PDZD2: variants seen among roughly 807,000 people sequenced by gnomAD.
PDZD2 encodes PDZ domain containing 2.
Under a neutral mutation model 220.7 loss-of-function variants are expected in PDZD2, and 90 were observed. The ratio of observed to expected loss-of-function variants is 0.41; its 90% CI spans 0.34 to 0.49. The LOEUF is 0.49. PDZD2 is among the 20% of genes least tolerant of loss of function. The probability of loss-of-function intolerance (pLI) is 0.28; values close to 1 mark genes in which losing one functional copy is unlikely to be tolerated. For synonymous variants in PDZD2, 1,375 were observed against 1,450.5 expected, an observed-to-expected ratio of 0.95 and a Z score of 1.18; for missense variants, 3,174 against 3,608.5, an observed-to-expected ratio of 0.88 and a Z score of 3.08.
intron 1 of PDZD2, among the ~76,000 whole-genome samples, chr5:31,706,930 A>G (rs1206644974): frequency 1.3e-5 from 2 of 151,990 alleles, no homozygotes; most frequent in Admixed American, 6.5e-5. Context: ...CCCCTCTACA[A>G]ATTCATGTGT....
At chr5:31,775,005 A>G (rs1752555485) in intron 1 of PDZD2, among the ~76,000 whole-genome samples, 1 of 152,206 alleles carries the variant, frequency 6.6e-6, no homozygotes, top group Non-Finnish European at 1.5e-5. Context: ...ACATGATGTC[A>G]ACCAGCTTGC....
At chr5:31,940,285 G>A (rs1252404017) in intron 2 of PDZD2, among the ~76,000 whole-genome samples, 1 of 152,130 alleles carries the variant, frequency 6.6e-6, no homozygotes, top group East Asian at 1.9e-4. Context: ...TGTTGTCTTT[G>A]CTGTCCCTTG....
At chr5:31,740,878 T>C (rs1289860864) in intron 1 of PDZD2, among the ~76,000 whole-genome samples, 1 of 152,212 alleles carries the variant, frequency 6.6e-6, no homozygotes, top group Non-Finnish European at 1.5e-5. Flanking sequence ...CGTAAACTTT[T>C]GTAAAGCATC....
chr5:31,722,376 C>T (rs1162044450), intron 1 of PDZD2, among the ~76,000 whole-genome samples: 5 of 152,150 alleles, frequency 3.3e-5, no homozygotes, highest in African/African-American at 7.2e-5. Flanking sequence ...GACGGACAGC[C>T]TGCCCCCTCC....
chr5:32,030,040 T>C (rs955057628), intron 6 of PDZD2, among the ~76,000 whole-genome samples: 5 of 152,244 alleles, frequency 3.3e-5, no homozygotes, highest in African/African-American at 1.2e-4. Flanking sequence ...TCTGTGTGTA[T>C]TCAGTAGCTT....
chr5:31,675,364 A>G (rs531531004), intron 1 of PDZD2, among the ~76,000 whole-genome samples: 52 of 152,284 alleles, frequency 3.4e-4, no homozygotes, highest in Non-Finnish European at 5.4e-4. Flanking sequence ...TGTGCTGGCC[A>G]TGCCCACCAG....
rs1745150596 is a variant in PDZD2 at position 31,646,757 on chromosome 5, T to C, written c.-361+7320T>C. Among the ~76,000 whole-genome samples, 1 of 152,118 alleles carries C rather than the reference T, an allele frequency of 6.6e-6. No homozygotes were observed. The highest frequency in any genetic ancestry group is 6.6e-5 in the Admixed American group (1 of 15,266). On this transcript the variant is annotated intron_variant, in intron 1 of 24. Coordinates refer to ENST00000438447, the MANE Select transcript of PDZD2 (RefSeq NM_178140.4). The surrounding 1 kb of genome is among the most constrained non-coding windows in gnomAD (Gnocchi z 4.7). ...TACAAAACCACTCAGCATACAAAATTGGCATAGCTTTCCTCCACAGTTTGC... is the reference window on the plus strand; with the variant it reads ...TACAAAACCACTCAGCATACAAAATCGGCATAGCTTTCCTCCACAGTTTGC...
chr5:31,738,950 A>T (rs1750075578), intron 1 of PDZD2, among the ~76,000 whole-genome samples: 1 of 151,490 alleles, frequency 6.6e-6, no homozygotes, highest in Admixed American at 6.6e-5. Context: ...CAGTGGCACC[A>T]TCTCCGCTCA....
intron 1 of PDZD2, among the ~76,000 whole-genome samples, chr5:31,730,174 C>G (rs187118870): frequency 6.6e-6 from 1 of 152,242 alleles, no homozygotes; most frequent in East Asian, 1.9e-4. Flanking sequence ...TTCCTGACTC[C>G]TATGTACTTC....
At chr5:31,875,214 T>G (rs138105337) in intron 2 of PDZD2, among the ~76,000 whole-genome samples, 205 of 152,302 alleles carry the variant, frequency 1.3e-3, no homozygotes, top group African/African-American at 4.7e-3. Context: ...TATTTAGGGC[T>G]TTTTTGGCTT....
At chr5:31,667,931 G>A (rs1580539413) in intron 1 of PDZD2, among the ~76,000 whole-genome samples, 1 of 139,510 alleles carries the variant, frequency 7.2e-6, no homozygotes, top group Admixed American at 8.1e-5. Flanking sequence ...GCGTGATTTC[G>A]GCTCACTGCA....
intron 2 of PDZD2, among the ~76,000 whole-genome samples, chr5:31,833,530 C>G (rs1325958034): frequency 6.6e-6 from 1 of 151,158 alleles, no homozygotes; most frequent in Admixed American, 6.6e-5. Flanking sequence ...GTAATCCGCC[C>G]ACCTTGGCCT....
At chr5:31,886,575 T>A (rs146969744) in intron 2 of PDZD2, among the ~76,000 whole-genome samples, 1 of 151,890 alleles carries the variant, frequency 6.6e-6, no homozygotes, top group Non-Finnish European at 1.5e-5. Flanking sequence ...TGAAGGATGC[T>A]GAGATGTGTG....
intron 2 of PDZD2, among the ~76,000 whole-genome samples, chr5:31,829,333 A>AT (rs34522826): frequency 0.53 from 77,966 of 145,762 alleles, 20,992 homozygotes; most frequent in Non-Finnish European, 0.59. Flanking sequence ...AGCTTAGTGA[A>AT]TTTTTTTTTT....
chr5:31,739,940 G>A (rs1461076473), intron 1 of PDZD2, among the ~76,000 whole-genome samples: 8 of 152,044 alleles, frequency 5.3e-5, no homozygotes, highest in African/African-American at 1.9e-4. Flanking sequence ...TAAAGCTTTG[G>A]CCAACTTTCT....
At chr5:32,068,629 G>A (rs927023824) in intron 14 of PDZD2, among the ~76,000 whole-genome samples, 3 of 152,176 alleles carry the variant, frequency 2.0e-5, no homozygotes, top group Non-Finnish European at 4.4e-5. Context: ...GAAAAGTACT[G>A]TCAGTATGCA....
chr5:31,656,943 T>G (rs1246833311), intron 1 of PDZD2, among the ~76,000 whole-genome samples: 1 of 152,160 alleles, frequency 6.6e-6, no homozygotes, highest in Non-Finnish European at 1.5e-5. Context: ...GCCTGGGAGA[T>G]CAGGTAACCC....
At chr5:31,745,077 A>T (rs141800747) in intron 1 of PDZD2, among the ~76,000 whole-genome samples, 6,150 of 152,128 alleles carry the variant, frequency 0.04, 421 homozygotes, top group African/African-American at 0.14. Context: ...CGTCTCAAAA[A>T]AAATAAATAA....
At chr5:32,085,054 A>C (rs1274567214) in intron 19 of PDZD2, among the ~76,000 whole-genome samples, 1 of 145,890 alleles carries the variant, frequency 6.9e-6, no homozygotes, top group African/African-American at 2.5e-5. Flanking sequence ...TCCTGGGTTC[A>C]AGCGAATCTC....
Sources: gnomAD v4.1 joint callset for allele counts (sites outside exome capture counted in the v4.1 genomes callset) on GRCh38, gnomAD v4.1.1 for gene constraint, Gnocchi (gnomAD v3.1) non-coding constraint, MANE v1.5 for transcripts, NCBI Gene and HGNC (gene_info 2026-07-23, HGNC 2026-07-21) for gene names.